TMEM132C: variants seen among roughly 807,000 people sequenced by gnomAD.
TMEM132C encodes protein phosphatase 1, regulatory subunit 152.
In TMEM132C, 29 loss-of-function variants were observed where a neutral mutation model predicts 61.4. That is an observed-to-expected ratio of 0.47 (90% CI 0.35 to 0.64). TMEM132C has a LOEUF of 0.64. Among genes scored for constraint, TMEM132C ranks in the 30% least tolerant of loss-of-function variants. The pLI, the probability that TMEM132C is intolerant of heterozygous loss-of-function variation, is 0.00. For synonymous variants in TMEM132C, 656 were observed against 633.1 expected (o/e 1.04, Z -0.54); for missense variants, 1,408 against 1,476.9 (o/e 0.95, Z 0.76).
chr12:128,331,875 C>T lies in TMEM132C; in HGVS notation c.85+64388C>T, dbSNP rs528742591. On this transcript the variant is annotated intron_variant, in intron 1 of 8. Coordinates refer to ENST00000435159, the MANE Select transcript of TMEM132C (RefSeq NM_001136103.3). ...GTTTTTCGTAGAAGTTGTACTCATTCATAGAAGTTGTGGTTGAATCCATTA... is the reference window on the plus strand; with the variant it reads ...GTTTTTCGTAGAAGTTGTACTCATTTATAGAAGTTGTGGTTGAATCCATTA... 1.2e-4 allele frequency among the ~76,000 whole-genome samples: 19 copies of T among 152,272 alleles called. No individual in the cohort carries two copies. In the South Asian group the frequency reaches 3.7e-3, roughly 30 times the overall value.
chr12:128,420,234 G>A (rs1201221242), intron 2 of TMEM132C, among the ~76,000 whole-genome samples: 3 of 152,072 alleles, frequency 2.0e-5, no homozygotes, highest in East Asian at 3.9e-4. Flanking sequence ...TAAATACAAT[G>A]GATAGTAATA....
At chr12:128,665,859 A>G (rs1006956942) in intron 4 of TMEM132C, among the ~76,000 whole-genome samples, 1 of 144,814 alleles carries the variant, frequency 6.9e-6, no homozygotes. Flanking sequence ...ACACACACAC[A>G]TACACACAGG....
At chr12:128,419,606 C>G (rs1399116516) in intron 2 of TMEM132C, among the ~76,000 whole-genome samples, 1 of 149,796 alleles carries the variant, frequency 6.7e-6, no homozygotes, top group Non-Finnish European at 1.5e-5. Context: ...AAAGGAAAGA[C>G]AGGTCACTGT....
chr12:128,310,004 G>T (rs1205626791), intron 1 of TMEM132C, among the ~76,000 whole-genome samples: 1 of 152,120 alleles, frequency 6.6e-6, no homozygotes. Context: ...CCAAAGTGCT[G>T]GGATTACAGG....
At position 128,639,687 on chromosome 12, in the gene TMEM132C, G is replaced by A. The variant is rs917307554; in HGVS notation, c.1305+23352G>A. Among the ~76,000 whole-genome samples, 11 of 152,146 alleles carry A rather than the reference G, an allele frequency of 7.2e-5. 1 individual carries two copies. The highest frequency in any genetic ancestry group is 1.3e-4 in the Admixed American group (2 of 15,270). On this transcript the variant is annotated intron_variant, in intron 4 of 8. Coordinates refer to ENST00000435159, the MANE Select transcript of TMEM132C (RefSeq NM_001136103.3). ...ATGGATACCTATGGGAATAGACTGC[G>A]GTCTTCCAGTAGGCTGACCAACCAT...
intron 2 of TMEM132C, among the ~76,000 whole-genome samples, chr12:128,436,673 T>A (rs1480475957): frequency 6.6e-6 from 1 of 152,124 alleles, no homozygotes; most frequent in Non-Finnish European, 1.5e-5. Context: ...TGTGGAGAAA[T>A]AGGAACGCTT....
At chr12:128,452,775 G>A (rs930427831) in intron 2 of TMEM132C, among the ~76,000 whole-genome samples, 1 of 151,954 alleles carries the variant, frequency 6.6e-6, no homozygotes, top group Non-Finnish European at 1.5e-5. Context: ...GCTGTCCACC[G>A]ATCCAGATCT....
intron 3 of TMEM132C, among the ~76,000 whole-genome samples, chr12:128,561,786 A>AT (rs201100609): frequency 0.051 from 7,806 of 152,136 alleles, 651 homozygotes; most frequent in African/African-American, 0.18. Context: ...CAAAAACGTA[A>AT]TTTTTTCTGT....
chr12:128,348,054 A>G (rs1873227654), intron 1 of TMEM132C, among the ~76,000 whole-genome samples: 1 of 152,220 alleles, frequency 6.6e-6, no homozygotes, highest in South Asian at 2.1e-4. Context: ...AACAATATGC[A>G]TCTTCCAGTC....
At chr12:128,305,844 A>G (rs1179807358) in intron 1 of TMEM132C, among the ~76,000 whole-genome samples, 1 of 152,106 alleles carries the variant, frequency 6.6e-6, no homozygotes, top group African/African-American at 2.4e-5. Flanking sequence ...CATGATCCTA[A>G]TGGTTTGGTG....
rs529108737 is a variant in TMEM132C, at chr12:128,564,165, G to T, written c.1121+20062G>T. ...GCTCTTTATCTCCTCATAAGGACGTGAGTCCTATTGTGGAGGCTCTATGCT... is the reference window on the plus strand; with the variant it reads ...GCTCTTTATCTCCTCATAAGGACGTTAGTCCTATTGTGGAGGCTCTATGCT... On this transcript the variant is annotated intron_variant, in intron 3 of 8. Transcript: ENST00000435159. 9.9e-5 allele frequency among the ~76,000 whole-genome samples: 15 copies of T among 152,160 alleles called. No homozygotes were observed. In the East Asian group the frequency reaches 1.5e-3, roughly 16 times the overall value.
chr12:128,468,031 C>T (rs922182349), intron 2 of TMEM132C, among the ~76,000 whole-genome samples: 8 of 152,128 alleles, frequency 5.3e-5, no homozygotes, highest in Admixed American at 1.3e-4. Flanking sequence ...ATGGGGAATC[C>T]GGCACCATAG....
At chr12:128,654,681 C>T (rs1025558515) in intron 4 of TMEM132C, among the ~76,000 whole-genome samples, 23 of 152,176 alleles carry the variant, frequency 1.5e-4, no homozygotes, top group Non-Finnish European at 2.4e-4. Context: ...CAGCGCCACA[C>T]GCACCCTGCT....
chr12:128,476,662 C>T (rs1453975379), intron 2 of TMEM132C, among the ~76,000 whole-genome samples: 1 of 152,168 alleles, frequency 6.6e-6, no homozygotes, highest in Non-Finnish European at 1.5e-5. Flanking sequence ...ATCATGGAGC[C>T]TAGTGTTTCC....
In TMEM132C at chr12:128,287,484, C is replaced by CATATCTATATCTATATCTATATCT. The variant is rs5801788; in HGVS notation, c.85+20018_85+20041dup. On this transcript the variant is annotated intron_variant, in intron 1 of 8. Coordinates refer to ENST00000435159, the MANE Select transcript of TMEM132C (RefSeq NM_001136103.3). ...TTCTCTCTCTCTCCCCCTCTGTCTGCATATCTATATCTATATCTATATCTA... is the reference window on the plus strand; with the variant it reads ...TTCTCTCTCTCTCCCCCTCTGTCTGCATATCTATATCTATATCTATATCTATATCTATATCTATATCTATATCTA... Among the ~76,000 whole-genome samples the CATATCTATATCTATATCTATATCT allele has an allele frequency of 8.7e-4, 130 of 150,054 alleles. 3 individuals carry two copies. The highest frequency in any genetic ancestry group is 5.7e-3 in the Admixed American group (86 of 15,070).
rs79508278 is a variant in TMEM132C, at chr12:128,416,354, C to T, written c.974+734C>T. 4.8e-4 allele frequency among the ~76,000 whole-genome samples: 73 copies of T among 152,226 alleles called. 1 individual carries two copies. The East Asian group carries it at 0.013, about 27-fold the overall frequency. Reference sequence around the variant, plus strand: ...ACATGTTTTCTGAGGATAATTAATACGGGGCTAAAATTCATTTAAAGCAAA... The same window carrying T: ...ACATGTTTTCTGAGGATAATTAATATGGGGCTAAAATTCATTTAAAGCAAA... On this transcript the variant is annotated intron_variant, in intron 2 of 8. Transcript: ENST00000435159.
chr12:128,279,598 T>C (rs1566040084), intron 1 of TMEM132C, among the ~76,000 whole-genome samples: 1 of 152,200 alleles, frequency 6.6e-6, no homozygotes, highest in Non-Finnish European at 1.5e-5. Flanking sequence ...CTTGCTGGGC[T>C]CACCACCCCA....
chr12:128,424,092 C>A (rs1244758100), intron 2 of TMEM132C, among the ~76,000 whole-genome samples: 1 of 147,506 alleles, frequency 6.8e-6, no homozygotes, highest in African/African-American at 2.5e-5. Context: ...TAATCCATTG[C>A]AGACTAATCC....
intron 1 of TMEM132C, among the ~76,000 whole-genome samples, chr12:128,354,204 C>T (rs1234072437): frequency 6.6e-6 from 1 of 151,914 alleles, no homozygotes; most frequent in African/African-American, 2.4e-5. Context: ...GCATGAAGCC[C>T]CTAGGTGTGT....
Sources: allele counts gnomAD v4.1 joint callset (sites outside exome capture counted in the v4.1 genomes callset), GRCh38; gene constraint gnomAD v4.1.1; transcripts MANE v1.5; gene names NCBI Gene and HGNC (gene_info 2026-07-23, HGNC 2026-07-21).